The following BIRC6 variants were observed in gnomAD, a reference collection of about 807,000 sequenced individuals.
BIRC6 encodes dual E2 ubiquitin-conjugating enzyme/E3 ubiquitin-protein ligase BIRC6.
A neutral mutation model predicts 503.3 loss-of-function variants in BIRC6; 98 were observed. The ratio of observed to expected loss-of-function variants is 0.19; its 90% CI spans 0.17 to 0.23. BIRC6 has a LOEUF of 0.23. BIRC6 is among the 10% of genes least tolerant of loss of function. BIRC6 has a pLI of 1.00. For missense variants in BIRC6, 5,360 were observed against 5,806.0 expected, an observed-to-expected ratio of 0.92 and a Z score of 2.50; for synonymous variants, 2,240 against 2,078.7, an observed-to-expected ratio of 1.08 and a Z score of -2.11.
chr2:32,552,017 A>G (rs1213025179), intron 65 of BIRC6, among the ~76,000 whole-genome samples: 1 of 152,208 alleles, frequency 6.6e-6, no homozygotes, highest in Non-Finnish European at 1.5e-5. Flanking sequence ...TTTTCTGAGA[A>G]CTTTAGTAAA....
intron 53 of BIRC6, among the ~76,000 whole-genome samples, chr2:32,511,601 A>C (rs1175298066): frequency 6.8e-6 from 1 of 146,874 alleles, no homozygotes; most frequent in Non-Finnish European, 1.5e-5. Context: ...AAGTGCTGGG[A>C]TTACAGGCAT....
intron 27 of BIRC6, 25 bp from the exon 28 acceptor site, chr2:32,467,878 G>A (rs1251967828): frequency 6.4e-7 from 1 of 1,560,436 alleles, no homozygotes; most frequent in Admixed American, 1.8e-5. Flanking sequence ...GTGTATATAT[G>A]TATATTTATA....
chr2:32,415,313 T>C lies in BIRC6; in HGVS notation c.2022T>C (p.Ser674=), dbSNP rs1452988419. 14 of 1,614,058 alleles carry C rather than the reference T, an allele frequency of 8.7e-6. No homozygotes were observed. The highest frequency in any genetic ancestry group is 1.1e-5 in the Non-Finnish European group (13 of 1,179,894). Residue 674 remains serine, a synonymous_variant, in exon 10 of 74, where the codon AGT becomes AGC. Coordinates refer to ENST00000421745, the MANE Select transcript of BIRC6 (RefSeq NM_016252.4). ...VPQIIEMELD[S]QEQLLLQDPP... ...AGATTATTGAAATGGAGCTGGATAGTCAGGAGCAGTTGTTATTGCAGGATC... is the reference window on the plus strand; with the variant it reads ...AGATTATTGAAATGGAGCTGGATAGCCAGGAGCAGTTGTTATTGCAGGATC...
chr2:32,417,512 T>C (rs1226602409), intron 10 of BIRC6, among the ~76,000 whole-genome samples: 4 of 152,124 alleles, frequency 2.6e-5, no homozygotes, highest in Non-Finnish European at 4.4e-5. Context: ...TTACTGACAA[T>C]ATCAGGCAAA....
At chr2:32,483,372 C>T (rs892367859) in intron 39 of BIRC6, among the ~76,000 whole-genome samples, 4 of 152,052 alleles carry the variant, frequency 2.6e-5, no homozygotes, top group Non-Finnish European at 4.4e-5. Context: ...AAGTTAAATG[C>T]GGAGAATGTT....
intron 65 of BIRC6, among the ~76,000 whole-genome samples, chr2:32,570,519 G>A (rs2059844667): frequency 6.6e-6 from 1 of 151,018 alleles, no homozygotes; most frequent in Admixed American, 6.6e-5. Flanking sequence ...TTTGTTTTGA[G>A]ATGGAGTCTC....
intron 15 of BIRC6, among the ~76,000 whole-genome samples, chr2:32,436,479 A>G (rs1017992725): frequency 4.6e-5 from 7 of 152,152 alleles, no homozygotes; most frequent in Admixed American, 4.6e-4. Flanking sequence ...AGCAGACATA[A>G]TGTTCTGCCA....
intron 11 of BIRC6, among the ~76,000 whole-genome samples, chr2:32,429,525 A>G (rs924610609): frequency 1.3e-5 from 2 of 152,118 alleles, no homozygotes; most frequent in African/African-American, 4.8e-5. Context: ...AGAATTCATT[A>G]AGTAAGAATA....
chr2:32,499,698 T>A lies in BIRC6; in HGVS notation c.8620T>A (p.Ser2874Thr). The A allele has an allele frequency of 6.2e-7, 1 of 1,614,014 alleles. No homozygotes were observed. The highest frequency in any genetic ancestry group is 1.1e-5 in the South Asian group (1 of 91,080). The change falls in exon 46 of 74, where the codon TCA (serine) becomes ACA (threonine). Residue 2874 changes from serine to threonine, a missense_variant. Physicochemically the swap from Ser to Thr is moderately conservative, Grantham distance 58. Coordinates refer to ENST00000421745, the MANE Select transcript of BIRC6 (RefSeq NM_016252.4). ...TFLVHHYITC[S>T]DKVMSRSGSD... Reference sequence around the variant, plus strand: ...TTTAGTGCACCACTATATCACTTGCTCAGACAAAGTAATGTCAAGAAGTGG... The same window carrying A: ...TTTAGTGCACCACTATATCACTTGCACAGACAAAGTAATGTCAAGAAGTGG...
chr2:32,609,285 C>CTGTGTGTG (rs58379253), intron 72 of BIRC6, among the ~76,000 whole-genome samples: 1,715 of 147,542 alleles, frequency 0.012, 19 homozygotes, highest in East Asian at 0.034. Context: ...AAGTGTGGCT[C>CTGTGTGTG]TGTGTGTGTG....
chr2:32,567,426 CTCTGTA>C (rs1259283213), intron 65 of BIRC6, among the ~76,000 whole-genome samples: 1 of 152,210 alleles, frequency 6.6e-6, no homozygotes. Flanking sequence ...GATGAAAACA[CTCTGTA>C]TCTGTGCCAT....
intron 1 of BIRC6, among the ~76,000 whole-genome samples, chr2:32,373,237 A>G (rs2149301883): frequency 6.6e-6 from 1 of 152,188 alleles, no homozygotes; most frequent in Non-Finnish European, 1.5e-5. Context: ...AAAAAAAAAA[A>G]TCTGTTCTAA....
rs559662829 is a variant in BIRC6 at position 32,618,485 on chromosome 2, A to G, written c.*581A>G. ...CTGCCATAAAATGCATTATATCTGG[A>G]GACTTGCACTTGTATGGATGAATTT... is the stretch of plus-strand genomic sequence containing the variant. On this transcript the variant is annotated 3_prime_UTR_variant, in exon 74 of 74. Coordinates refer to ENST00000421745, the MANE Select transcript of BIRC6 (RefSeq NM_016252.4). The G allele has an allele frequency of 6.6e-6, 1 of 152,600 alleles. No individual in the cohort carries two copies. Among genetic ancestry groups the G allele is most frequent in the East Asian group, 1.9e-4 (1 of 5,186 alleles). The allele number at this position is 152,600 out of a possible 1,614,324, so 9.5% of individuals were successfully genotyped here.
chr2:32,548,892 C>G (rs909886461), intron 64 of BIRC6: 1 of 153,262 alleles, frequency 6.5e-6, no homozygotes, highest in African/African-American at 2.4e-5. Flanking sequence ...AAAAGGTTAG[C>G]TTTGCTTCCT....
At chr2:32,483,126 A>G (rs2050601220) in intron 39 of BIRC6, among the ~76,000 whole-genome samples, 2 of 151,940 alleles carry the variant, frequency 1.3e-5, no homozygotes, top group Admixed American at 1.3e-4. Flanking sequence ...CATGTTGGCC[A>G]GGCTGGTCTC....
intron 1 of BIRC6, among the ~76,000 whole-genome samples, chr2:32,371,215 C>CAAAAAAAAA (rs1179033406): frequency 3.5e-5 from 1 of 28,720 alleles, no homozygotes; most frequent in African/African-American, 1.1e-4. Flanking sequence ...GACCCTGTCT[C>CAAAAAAAAA]AAAAAAAAAA....
intron 10 of BIRC6, among the ~76,000 whole-genome samples, chr2:32,427,278 T>A (rs929555923): frequency 1.4e-5 from 2 of 147,666 alleles, no homozygotes; most frequent in African/African-American, 4.9e-5. Context: ...TTTTAATTTT[T>A]ATTTTATTTT....
intron 58 of BIRC6, 42 bp from the exon 59 acceptor site, chr2:32,525,422 G>C (rs1558971173): frequency 6.2e-7 from 1 of 1,601,984 alleles, no homozygotes; most frequent in Admixed American, 1.7e-5. Context: ...CTTCATATTA[G>C]TGTGTTGACT....
intron 23 of BIRC6, among the ~76,000 whole-genome samples, chr2:32,462,520 G>T (rs1274948265): frequency 6.6e-6 from 1 of 152,100 alleles, no homozygotes. Context: ...TGGTGTTCTG[G>T]GGTCCTTTTG....
Sources: gnomAD v4.1 joint callset for allele counts (sites outside exome capture counted in the v4.1 genomes callset) on GRCh38, gnomAD v4.1.1 for gene constraint, MANE v1.5 for transcripts, NCBI Gene and HGNC (gene_info 2026-07-23, HGNC 2026-07-21) for gene names.